Variants in LRP1B observed in about 807,000 individuals in gnomAD.
LRP1B encodes LDL receptor related protein 1B, also known as low-density lipoprotein receptor-related protein 1B.
In LRP1B, 217 loss-of-function variants were observed where a neutral mutation model predicts 556.6. The observed-to-expected ratio is 0.39, with a 90% CI of 0.35 to 0.44. The LOEUF is 0.44. Among genes scored for constraint, LRP1B ranks in the 20% least tolerant of loss-of-function variants. LRP1B has a pLI of 1.00. For synonymous variants in LRP1B, 2,047 were observed against 1,865.8 expected (o/e 1.10, Z -2.50); for missense variants, 5,053 against 5,620.8 (o/e 0.90, Z 3.23).
At chr2:141,798,051 GATATTATACA>G (rs1398482270) in intron 2 of LRP1B, among the ~76,000 whole-genome samples, 2 of 152,110 alleles carry the variant, frequency 1.3e-5, no homozygotes, top group African/African-American at 2.4e-5. Context: ...ATGGGAATTA[GATATTATACA>G]ATATTATACC....
intron 25 of LRP1B, among the ~76,000 whole-genome samples, chr2:140,872,143 T>C (rs1693154420): frequency 6.6e-6 from 1 of 151,350 alleles, no homozygotes; most frequent in Middle Eastern, 3.4e-3. Context: ...TCTGTTTTCT[T>C]TATTTACTTC....
intron 37 of LRP1B, among the ~76,000 whole-genome samples, chr2:140,703,217 GT>G (rs1402998462): frequency 6.6e-6 from 1 of 152,000 alleles, no homozygotes; most frequent in Admixed American, 6.6e-5. Context: ...TTAAAATACG[GT>G]TTTATGCAAA....
chr2:140,810,232 T>A (rs1350953416), intron 32 of LRP1B, among the ~76,000 whole-genome samples: 1 of 152,168 alleles, frequency 6.6e-6, no homozygotes, highest in Non-Finnish European at 1.5e-5. Flanking sequence ...TAGTATAAAC[T>A]ACTCTTAAAT....
At chr2:140,537,631 T>G (rs150216121) in intron 45 of LRP1B, among the ~76,000 whole-genome samples, 1 of 152,206 alleles carries the variant, frequency 6.6e-6, no homozygotes, top group Non-Finnish European at 1.5e-5. Flanking sequence ...AGGAGGACAA[T>G]GGTCAAGTGG....
At chr2:140,898,433 GT>G (rs1390385964) in intron 23 of LRP1B, 2 of 179,706 alleles carry the variant, frequency 1.1e-5, no homozygotes, top group African/African-American at 4.8e-5. Flanking sequence ...ATAGGAAATG[GT>G]GCCCTCGGTA....
chr2:141,059,118 C>T (rs1036584136), intron 8 of LRP1B, 64 bp from the exon 9 acceptor site: 14 of 1,077,780 alleles, frequency 1.3e-5, no homozygotes, highest in Non-Finnish European at 1.8e-5. Context: ...GAAAGAAAAG[C>T]TGATTGCTAT....
chr2:141,307,882 G>A (rs1686658446), intron 3 of LRP1B, among the ~76,000 whole-genome samples: 1 of 152,158 alleles, frequency 6.6e-6, no homozygotes, highest in African/African-American at 2.4e-5. Flanking sequence ...GACAGCAGGT[G>A]TGGCACGGGT....
At chr2:140,822,759 G>T (rs968870521) in intron 31 of LRP1B, among the ~76,000 whole-genome samples, 1 of 152,106 alleles carries the variant, frequency 6.6e-6, no homozygotes, top group African/African-American at 2.4e-5. Context: ...CTTTGCTGAG[G>T]TTAAGTAATT....
intron 2 of LRP1B, among the ~76,000 whole-genome samples, chr2:141,698,986 T>C (rs1031653067): frequency 6.6e-6 from 1 of 151,900 alleles, no homozygotes; most frequent in Non-Finnish European, 1.5e-5. Flanking sequence ...TTAACAGAGT[T>C]AGCTACTCTT....
intron 71 of LRP1B, among the ~76,000 whole-genome samples, chr2:140,366,950 G>A (rs1296174872): frequency 6.6e-6 from 1 of 151,638 alleles, no homozygotes; most frequent in African/African-American, 2.4e-5. Flanking sequence ...AGTAATTAAT[G>A]TAATGAGTTT....
At chr2:141,555,850 G>A (rs1469046911) in intron 2 of LRP1B, among the ~76,000 whole-genome samples, 1 of 151,734 alleles carries the variant, frequency 6.6e-6, no homozygotes, top group Admixed American at 6.6e-5. Context: ...CAAATCACAG[G>A]CACTTTCAAA....
intron 41 of LRP1B, among the ~76,000 whole-genome samples, chr2:140,662,703 T>C (rs192066943): frequency 6.6e-6 from 1 of 152,164 alleles, no homozygotes; most frequent in Non-Finnish European, 1.5e-5. Flanking sequence ...ATATTCCCTA[T>C]GGCAAACCAT....
chr2:140,780,545 C>T (rs1020398751), intron 32 of LRP1B, among the ~76,000 whole-genome samples: 2 of 152,136 alleles, frequency 1.3e-5, no homozygotes, highest in African/African-American at 4.8e-5. Flanking sequence ...GATTGTGCCA[C>T]TCAGGAAATG....
At chr2:140,487,415 A>G (rs1357978517) in intron 58 of LRP1B, among the ~76,000 whole-genome samples, 1 of 151,932 alleles carries the variant, frequency 6.6e-6, no homozygotes, top group Non-Finnish European at 1.5e-5. Flanking sequence ...TGTTATTGCA[A>G]GTAATAGTGT....
chr2:140,879,963 A>G (rs1693423094), intron 25 of LRP1B, among the ~76,000 whole-genome samples: 1 of 151,936 alleles, frequency 6.6e-6, no homozygotes, highest in South Asian at 2.1e-4. Context: ...AAAAAAAAAA[A>G]AGAGGTTACT....
intron 11 of LRP1B, among the ~76,000 whole-genome samples, chr2:141,023,738 A>G (rs913105099): frequency 1.3e-5 from 2 of 152,008 alleles, no homozygotes; most frequent in Non-Finnish European, 2.9e-5. Context: ...GAAATGATCC[A>G]TAGATCTTGA....
intron 14 of LRP1B, among the ~76,000 whole-genome samples, chr2:141,007,594 ACT>A (rs1444999528): frequency 6.6e-6 from 1 of 151,656 alleles, no homozygotes; most frequent in African/African-American, 2.4e-5. Context: ...CATAGGATGC[ACT>A]GTTATTCTAT....
chr2:141,140,416 G>T (rs1254483549), intron 7 of LRP1B, among the ~76,000 whole-genome samples: 1 of 152,150 alleles, frequency 6.6e-6, no homozygotes, highest in Non-Finnish European at 1.5e-5. Flanking sequence ...GTTATGGACT[G>T]AATTGTGTTA....
intron 2 of LRP1B, among the ~76,000 whole-genome samples, chr2:141,604,268 T>A (rs12474260): frequency 0.26 from 39,658 of 152,108 alleles, 6,329 homozygotes; most frequent in East Asian, 0.46. Flanking sequence ...GATAATCTAA[T>A]ATCAAAACTT....
Sources: gnomAD v4.1 joint callset for allele counts (sites outside exome capture counted in the v4.1 genomes callset) on GRCh38, gnomAD v4.1.1 for gene constraint, MANE v1.5 for transcripts, NCBI Gene and HGNC (gene_info 2026-07-23, HGNC 2026-07-21) for gene names.